Variants in PCDH15 observed in about 807,000 individuals in gnomAD.
PCDH15 encodes the protein protocadherin related 15.
PCDH15 carries 129 observed loss-of-function variants against 178.5 expected under a neutral mutation model. The observed-to-expected ratio is 0.72, with a 90% CI of 0.63 to 0.84. The LOEUF (loss-of-function observed/expected upper bound fraction) is 0.84, where lower values mean the gene tolerates loss of function less well. Among genes scored for constraint, PCDH15 ranks in the 40% least tolerant of loss-of-function variants. The pLI is 0.00. For synonymous variants in PCDH15, 800 were observed against 732.0 expected, an observed-to-expected ratio of 1.09 and a Z score of -1.50; for missense variants, 2,230 against 2,099.9, an observed-to-expected ratio of 1.06 and a Z score of -1.21.
intron 2 of PCDH15, among the ~76,000 whole-genome samples, chr10:55,353,159 G>A (rs917651815): frequency 3.9e-5 from 6 of 152,200 alleles, no homozygotes; most frequent in South Asian, 2.1e-4. Context: ...CAGGGAAAAC[G>A]CTTCCACAAC....
intron 2 of PCDH15, among the ~76,000 whole-genome samples, chr10:54,990,832 G>A (rs1291994201): frequency 6.6e-6 from 1 of 151,920 alleles, no homozygotes; most frequent in African/African-American, 2.4e-5. Flanking sequence ...TAAATAGAAA[G>A]GAAAGGAAAT....
In PCDH15 at chr10:53,809,086, G is replaced by A; in HGVS notation, c.4671+1470C>T. The A allele has an allele frequency of 1.9e-6, 3 of 1,613,674 alleles. No individual in the cohort carries two copies. In the South Asian group the frequency reaches 3.3e-5, roughly 18 times the overall value. On this transcript the variant is annotated intron_variant, in intron 37 of 37. Transcript: ENST00000644397. ...TCTTGCAAGCACAATGTTTTTCCTT[G>A]CTTTTTCTCCTTCTGACTCTGTGGA...
At chr10:55,031,491 T>G (rs1429900855) in intron 2 of PCDH15, among the ~76,000 whole-genome samples, 1 of 152,164 alleles carries the variant, frequency 6.6e-6, no homozygotes, top group Non-Finnish European at 1.5e-5. Flanking sequence ...TCATCAAAAG[T>G]CAAAGCCTTT....
intron 6 of PCDH15, among the ~76,000 whole-genome samples, chr10:54,340,867 T>C (rs1222151149): frequency 1.3e-5 from 2 of 152,146 alleles, no homozygotes; most frequent in Non-Finnish European, 2.9e-5. Flanking sequence ...TGTTGCATGC[T>C]TACTTGAGGC....
At chr10:54,533,379 C>T (rs958661859) in intron 2 of PCDH15, among the ~76,000 whole-genome samples, 1 of 151,664 alleles carries the variant, frequency 6.6e-6, no homozygotes, top group Non-Finnish European at 1.5e-5. Context: ...TGAAAGGCTA[C>T]CAATAAAGTA....
intron 1 of PCDH15, among the ~76,000 whole-genome samples, chr10:54,777,101 G>A (rs751336698): frequency 3.9e-5 from 6 of 152,142 alleles, no homozygotes; most frequent in Non-Finnish European, 7.4e-5. Context: ...CCACGAAAGA[G>A]GACTTAGGTG....
chr10:55,379,033 T>C (rs1302110374), intron 2 of PCDH15, among the ~76,000 whole-genome samples: 1 of 152,080 alleles, frequency 6.6e-6, no homozygotes, highest in African/African-American at 2.4e-5. Context: ...TTTTGACATT[T>C]TGGGAAGAGA....
chr10:54,731,763 T>C (rs938362071), intron 1 of PCDH15, among the ~76,000 whole-genome samples: 2 of 150,162 alleles, frequency 1.3e-5, no homozygotes, highest in South Asian at 2.1e-4. Context: ...ATCATGAAGA[T>C]AGGAATTTGA....
chr10:54,493,926 G>A (rs1180478616), intron 3 of PCDH15, among the ~76,000 whole-genome samples: 3 of 152,048 alleles, frequency 2.0e-5, no homozygotes, highest in Non-Finnish European at 4.4e-5. Context: ...ATGAGTTCAT[G>A]TCCTTTGTAG....
In PCDH15 at chr10:54,727,074, A is replaced by T. The variant is rs145177712; in HGVS notation, c.-28-62784T>A. Among the ~76,000 whole-genome samples, 710 of 151,550 alleles carry T rather than the reference A, an allele frequency of 4.7e-3. 7 individuals are homozygous for T. Among genetic ancestry groups the T allele is most frequent in the Middle Eastern group, 0.024 (7 of 294 alleles). On this transcript the variant is annotated intron_variant, in intron 1 of 37. Transcript: ENST00000644397. ...CTCAGGAAAGACATTTGAGAACTAT[A>T]CTCAAACACTTGACTAGATGAGCCT...
At chr10:54,261,175 A>T (rs909536167) in intron 8 of PCDH15, among the ~76,000 whole-genome samples, 1 of 152,124 alleles carries the variant, frequency 6.6e-6, no homozygotes, top group African/African-American at 2.4e-5. Context: ...AATGTAGATA[A>T]CTGTTTGAAA....
intron 2 of PCDH15, among the ~76,000 whole-genome samples, chr10:55,427,980 A>C (rs1424561862): frequency 6.7e-6 from 1 of 148,726 alleles, no homozygotes; most frequent in Non-Finnish European, 1.5e-5. Context: ...TTCTATGGGA[A>C]AAATATCTAA....
chr10:54,929,594 G>A (rs1361716484), intron 2 of PCDH15, among the ~76,000 whole-genome samples: 1 of 152,108 alleles, frequency 6.6e-6, no homozygotes. Context: ...GGAAAATTGT[G>A]GCCCATTGGC....
At chr10:54,146,965 GTA>G (rs562466579) in intron 14 of PCDH15, among the ~76,000 whole-genome samples, 7 of 135,138 alleles carry the variant, frequency 5.2e-5, no homozygotes, top group Non-Finnish European at 7.9e-5. Flanking sequence ...TATATATAAT[GTA>G]TATATATAGT....
At chr10:55,031,528 C>T (rs747960608) in intron 2 of PCDH15, among the ~76,000 whole-genome samples, 5 of 152,192 alleles carry the variant, frequency 3.3e-5, no homozygotes, top group South Asian at 4.2e-4. Context: ...AGTCTCAGAC[C>T]GGCATTAAAA....
At chr10:55,093,139 T>A (rs1231701819) in intron 2 of PCDH15, among the ~76,000 whole-genome samples, 1 of 151,990 alleles carries the variant, frequency 6.6e-6, no homozygotes, top group East Asian at 1.9e-4. Context: ...AAAATACATA[T>A]GAGGTATTAT....
At chr10:54,694,625 T>C (rs2135847979) in intron 1 of PCDH15, among the ~76,000 whole-genome samples, 1 of 152,174 alleles carries the variant, frequency 6.6e-6, no homozygotes, top group East Asian at 1.9e-4. Flanking sequence ...TTATTATTTG[T>C]TATAGAGATC....
chr10:54,236,484 T>C (rs1448820484), intron 9 of PCDH15, among the ~76,000 whole-genome samples: 1 of 152,144 alleles, frequency 6.6e-6, no homozygotes, highest in East Asian at 1.9e-4. Flanking sequence ...GTAAAATGTT[T>C]TTCATTTTAT....
At chr10:54,100,412 T>C (rs2094789077) in intron 15 of PCDH15, among the ~76,000 whole-genome samples, 1 of 151,882 alleles carries the variant, frequency 6.6e-6, no homozygotes, top group Non-Finnish European at 1.5e-5. Context: ...ATAGTTAAAA[T>C]CTTAGGCTTT....
Sources: gnomAD v4.1 joint callset for allele counts (sites outside exome capture counted in the v4.1 genomes callset) on GRCh38, gnomAD v4.1.1 for gene constraint, MANE v1.5 for transcripts, NCBI Gene and HGNC (gene_info 2026-07-23, HGNC 2026-07-21) for gene names.